The following NCAM2 variants were observed in gnomAD, a reference collection of about 807,000 sequenced individuals.
NCAM2 encodes neural cell adhesion molecule 2, also known as N-CAM-2.
A neutral mutation model predicts 98.1 loss-of-function variants in NCAM2; 30 were observed. The observed-to-expected ratio is 0.31, with a 90% CI of 0.23 to 0.41. The LOEUF (loss-of-function observed/expected upper bound fraction) is 0.41. Ranked by LOEUF, NCAM2 falls within the 10% of genes least tolerant of loss-of-function variation. The pLI is 1.00. For synonymous variants in NCAM2, 368 were observed against 342.4 expected (o/e 1.07, Z -0.83); for missense variants, 867 against 1,005.8 (o/e 0.86, Z 1.87).
rs1421077978 is a variant in NCAM2 at position 21,352,584 on chromosome 21, A to C, written c.1044+14050A>C. Among the ~76,000 whole-genome samples, 4 of 152,092 alleles carry C rather than the reference A, an allele frequency of 2.6e-5. No individual in the cohort carries two copies. The South Asian group carries it at 8.3e-4, about 32-fold the overall frequency. ...TCTTGCTTTTGGTGTGTCATTGACC[A>C]TGTTAGTTCTCATCTCTGATTTCAG... is the stretch of plus-strand genomic sequence containing the variant. On this transcript the variant is annotated intron_variant, in intron 8 of 17. Coordinates refer to ENST00000400546, the MANE Select transcript of NCAM2 (RefSeq NM_004540.5).
At chr21:21,415,753 C>T (rs1712350369) in intron 10 of NCAM2, among the ~76,000 whole-genome samples, 1 of 152,160 alleles carries the variant, frequency 6.6e-6, no homozygotes, top group African/African-American at 2.4e-5. Flanking sequence ...CTAACCCCTG[C>T]CAGCTTCAAA....
At chr21:21,172,314 T>A (rs79818764) in intron 1 of NCAM2, among the ~76,000 whole-genome samples, 4,711 of 152,200 alleles carry the variant, frequency 0.031, 242 homozygotes, top group African/African-American at 0.11. Flanking sequence ...ATTTGTAAGA[T>A]TTTACAAACC....
chr21:21,453,885 TTTTG>T (rs1981720107), intron 12 of NCAM2, among the ~76,000 whole-genome samples: 1 of 152,108 alleles, frequency 6.6e-6, no homozygotes, highest in Non-Finnish European at 1.5e-5. Context: ...TAAGGTTTGT[TTTTG>T]TTTGTTTCTT....
At chr21:21,405,592 A>G (rs1401911052) in intron 9 of NCAM2, among the ~76,000 whole-genome samples, 2 of 152,114 alleles carry the variant, frequency 1.3e-5, no homozygotes, top group Admixed American at 1.3e-4. Context: ...GTCAAATGAC[A>G]TTTTCCATTA....
chr21:21,403,053 G>A (rs1299194188), intron 9 of NCAM2, among the ~76,000 whole-genome samples: 2 of 152,096 alleles, frequency 1.3e-5, no homozygotes, highest in Non-Finnish European at 2.9e-5. Flanking sequence ...AATGATTAGT[G>A]ATGTGGAACA....
rs924305806 is a variant in NCAM2, at chr21:21,327,304, C to T, written c.737+2804C>T. On this transcript the variant is annotated intron_variant, in intron 6 of 17. Coordinates refer to ENST00000400546, the MANE Select transcript of NCAM2 (RefSeq NM_004540.5). ...GCCAGGCAACAGAGCAAGACTCTGT[C>T]TCAAAAAAAAAAAAAAAAAAAAAAA... is the stretch of plus-strand genomic sequence containing the variant. Among the ~76,000 whole-genome samples the T allele has an allele frequency of 3.3e-4, 18 of 55,092 alleles. No individual in the cohort carries two copies. In the East Asian group the frequency reaches 0.017, roughly 51 times the overall value. 36.1% of individuals were successfully genotyped at this position (55,092 alleles called of 152,430 possible). A position where few individuals can be genotyped will look rare whatever the true frequency, so the allele number is the denominator to read the frequency against.
At chr21:21,404,686 A>C (rs1449488658) in intron 9 of NCAM2, among the ~76,000 whole-genome samples, 1 of 151,938 alleles carries the variant, frequency 6.6e-6, no homozygotes, top group Non-Finnish European at 1.5e-5. Flanking sequence ...AATATATGTC[A>C]GTATATCTAT....
chr21:21,017,460 G>T (rs141041685), intron 1 of NCAM2, among the ~76,000 whole-genome samples: 1 of 127,876 alleles, frequency 7.8e-6, no homozygotes, highest in Non-Finnish European at 1.7e-5. Context: ...AAATAGAAAC[G>T]GGAACCAGAG....
At chr21:21,137,935 A>G (rs2067093178) in intron 1 of NCAM2, among the ~76,000 whole-genome samples, 1 of 121,134 alleles carries the variant, frequency 8.3e-6, no homozygotes, top group African/African-American at 3.6e-5. Flanking sequence ...GGAAGGTGAC[A>G]CTGGATTTGT....
chr21:21,275,709 A>G lies in NCAM2; in HGVS notation c.56-4869A>G, dbSNP rs201770450. On this transcript the variant is annotated intron_variant, in intron 1 of 17. Coordinates refer to ENST00000400546, the MANE Select transcript of NCAM2 (RefSeq NM_004540.5). ...TGATCACAGATGTAACGTACCTTGA[A>G]TCTTTTCTTACATCTATTCTCTACC... Among the ~76,000 whole-genome samples the G allele has an allele frequency of 9.2e-5, 14 of 152,220 alleles. No homozygotes were observed. In the East Asian group the frequency reaches 2.7e-3, roughly 29 times the overall value.
At chr21:21,348,378 A>G (rs963933146) in intron 8 of NCAM2, among the ~76,000 whole-genome samples, 6 of 152,104 alleles carry the variant, frequency 3.9e-5, no homozygotes, top group African/African-American at 1.4e-4. Flanking sequence ...TTAAATACCT[A>G]GGAATTAACC....
intron 1 of NCAM2, among the ~76,000 whole-genome samples, chr21:21,248,261 T>G (rs991926489): frequency 6.6e-6 from 1 of 152,190 alleles, no homozygotes; most frequent in African/African-American, 2.4e-5. Context: ...TACAGTTATA[T>G]AAAAGTAACC....
intron 1 of NCAM2, among the ~76,000 whole-genome samples, chr21:21,011,459 C>T (rs1177776959): frequency 1.3e-5 from 2 of 151,968 alleles, no homozygotes; most frequent in African/African-American, 4.8e-5. Flanking sequence ...CCGCCTCCCA[C>T]CCAGCTGTAT....
intron 1 of NCAM2, among the ~76,000 whole-genome samples, chr21:21,028,808 A>G (rs2064608651): frequency 6.6e-6 from 1 of 152,198 alleles, no homozygotes; most frequent in African/African-American, 2.4e-5. Flanking sequence ...ACCTGGTCGT[A>G]TTTAACATTC....
intron 1 of NCAM2, among the ~76,000 whole-genome samples, chr21:21,157,168 A>G (rs1260816029): frequency 1.3e-5 from 2 of 152,042 alleles, no homozygotes; most frequent in Non-Finnish European, 2.9e-5. Flanking sequence ...CACTCAACTA[A>G]TATGTTACTC....
At chr21:21,114,090 G>C (rs2066506052) in intron 1 of NCAM2, among the ~76,000 whole-genome samples, 1 of 152,000 alleles carries the variant, frequency 6.6e-6, no homozygotes. Context: ...AATAGTCTGT[G>C]AATACTTGTG....
At chr21:21,434,761 TATA>T (rs752970060) in intron 12 of NCAM2, among the ~76,000 whole-genome samples, 2 of 152,190 alleles carry the variant, frequency 1.3e-5, no homozygotes, top group Non-Finnish European at 2.9e-5. Flanking sequence ...GTTTAAAACT[TATA>T]ATAATGTTTA....
intron 6 of NCAM2, among the ~76,000 whole-genome samples, chr21:21,327,324 A>T (rs1442661916): frequency 6.6e-6 from 1 of 151,586 alleles, no homozygotes; most frequent in African/African-American, 2.4e-5. Flanking sequence ...AAAAAAAAAA[A>T]AAAAAATTTC....
rs527592406 is a variant in NCAM2, at chr21:21,540,267, A to G, written c.*2310A>G. 5.5e-4 allele frequency: 70 copies of G among 127,492 alleles called. No individual in the cohort carries two copies. The highest frequency in any genetic ancestry group is 2.0e-3 in the African/African-American group (67 of 33,792). The allele number at this position is 127,492 out of a possible 1,614,324, so 7.9% of individuals were successfully genotyped here. A position where few individuals can be genotyped will look rare whatever the true frequency, so the allele number is the denominator to read the frequency against. ...TGACATATATTTCATATATATATAC[A>G]CATATATATATATACACATATATAT... On this transcript the variant is annotated 3_prime_UTR_variant, in exon 18 of 18. Transcript: ENST00000400546.
Sources: allele counts gnomAD v4.1 joint callset (sites outside exome capture counted in the v4.1 genomes callset), GRCh38; gene constraint gnomAD v4.1.1; transcripts MANE v1.5; gene names NCBI Gene and HGNC (gene_info 2026-07-23, HGNC 2026-07-21).